The following PCDH9 variants were observed in gnomAD, a reference collection of about 807,000 sequenced individuals.
PCDH9 encodes the protein protocadherin 9.
In PCDH9, 24 loss-of-function variants were observed where a neutral mutation model predicts 70.6. The observed-to-expected ratio is 0.34, with a 90% CI of 0.25 to 0.48. PCDH9 has a LOEUF of 0.48. Among genes scored for constraint, PCDH9 ranks in the 20% least tolerant of loss-of-function variants. The pLI is 0.99. For missense variants in PCDH9, 1,281 were observed against 1,503.6 expected (o/e 0.85, Z 2.45); for synonymous variants, 562 against 558.5 (o/e 1.01, Z -0.09).
intron 3 of PCDH9, among the ~76,000 whole-genome samples, chr13:66,640,589 G>A (rs987533347): frequency 6.6e-6 from 1 of 151,690 alleles, no homozygotes; most frequent in Non-Finnish European, 1.5e-5. Context: ...CTGTCCTCAT[G>A]TATTGCTGAA....
intron 3 of PCDH9, among the ~76,000 whole-genome samples, chr13:66,823,117 G>C (rs1356102213): frequency 6.6e-6 from 1 of 151,812 alleles, no homozygotes; most frequent in Non-Finnish European, 1.5e-5. Context: ...TAGAAATGTA[G>C]TCTATCTCAT....
chr13:66,891,647 G>A (rs186417270), intron 3 of PCDH9, among the ~76,000 whole-genome samples: 7 of 152,144 alleles, frequency 4.6e-5, no homozygotes, highest in African/African-American at 1.7e-4. Flanking sequence ...TACAGCAATA[G>A]AATAGTATTA....
intron 3 of PCDH9, among the ~76,000 whole-genome samples, chr13:66,788,648 ATTT>A (rs58386697): frequency 1.7e-3 from 141 of 81,854 alleles, no homozygotes; most frequent in Middle Eastern, 8.9e-3. Flanking sequence ...CTAAACAGTA[ATTT>A]TTTTTTTTTT....
chr13:66,832,555 A>C (rs2080946637), intron 3 of PCDH9, among the ~76,000 whole-genome samples: 1 of 152,120 alleles, frequency 6.6e-6, no homozygotes, highest in African/African-American at 2.4e-5. Flanking sequence ...ACAGATATGC[A>C]TGAATAAGTA....
At chr13:66,916,734 T>G (rs1444573908) in intron 2 of PCDH9, among the ~76,000 whole-genome samples, 1 of 151,568 alleles carries the variant, frequency 6.6e-6, no homozygotes, top group African/African-American at 2.4e-5. Flanking sequence ...CTGATGCCAT[T>G]GTACATATCT....
chr13:67,003,052 G>A (rs1023380706), intron 2 of PCDH9, among the ~76,000 whole-genome samples: 1 of 151,558 alleles, frequency 6.6e-6, no homozygotes. Flanking sequence ...GCCACTAATC[G>A]GTTTATGAAA....
intron 2 of PCDH9, among the ~76,000 whole-genome samples, chr13:66,991,875 T>C (rs79258579): frequency 0.025 from 3,843 of 152,232 alleles, 159 homozygotes; most frequent in African/African-American, 0.087. Context: ...TCATAGTGCA[T>C]ATTCATGATA....
intron 3 of PCDH9, among the ~76,000 whole-genome samples, chr13:66,644,398 T>C (rs1263179789): frequency 1.3e-5 from 2 of 151,920 alleles, no homozygotes; most frequent in African/African-American, 4.8e-5. Flanking sequence ...TCTTTGTACT[T>C]TGGGCACAAT....
chr13:66,773,095 G>C (rs1056839430), intron 3 of PCDH9, among the ~76,000 whole-genome samples: 2 of 152,178 alleles, frequency 1.3e-5, no homozygotes, highest in Non-Finnish European at 2.9e-5. Flanking sequence ...CTACGTGACC[G>C]ATCCTAAGTC....
intron 2 of PCDH9, among the ~76,000 whole-genome samples, chr13:67,168,505 T>C (rs879462634): frequency 2.6e-5 from 4 of 152,128 alleles, no homozygotes; most frequent in Admixed American, 2.0e-4. Flanking sequence ...AGGTGCAGAA[T>C]TGCTTGAGCC....
At chr13:66,933,806 A>G (rs1403583160) in intron 2 of PCDH9, among the ~76,000 whole-genome samples, 1 of 151,850 alleles carries the variant, frequency 6.6e-6, no homozygotes, top group Admixed American at 6.6e-5. Context: ...AATATGCCTC[A>G]GCTCTAATTA....
chr13:66,804,628 G>A (rs900311926), intron 3 of PCDH9, among the ~76,000 whole-genome samples: 1 of 152,056 alleles, frequency 6.6e-6, no homozygotes, highest in East Asian at 1.9e-4. Flanking sequence ...GGAATTTGTT[G>A]TTAACTAATT....
intron 3 of PCDH9, among the ~76,000 whole-genome samples, chr13:66,733,677 CT>C (rs11366736): frequency 0.28 from 41,814 of 147,130 alleles, 6,273 homozygotes; most frequent in East Asian, 0.44. Flanking sequence ...TAAAGGTAGG[CT>C]TTTTTTTTTT....
At chr13:66,759,030 A>G (rs544226115) in intron 3 of PCDH9, among the ~76,000 whole-genome samples, 1 of 151,872 alleles carries the variant, frequency 6.6e-6, no homozygotes, top group South Asian at 2.1e-4. Flanking sequence ...TAGTGTAGTT[A>G]AAGATTTGTC....
chr13:67,087,738 AC>A (rs1469309655), intron 2 of PCDH9, among the ~76,000 whole-genome samples: 2 of 152,072 alleles, frequency 1.3e-5, no homozygotes, highest in African/African-American at 2.4e-5. Context: ...AGCATTATAG[AC>A]ATTTTCATCA....
chr13:66,822,124 CA>C (rs1305974335), intron 3 of PCDH9, among the ~76,000 whole-genome samples: 1 of 103,906 alleles, frequency 9.6e-6, no homozygotes, highest in Admixed American at 1.3e-4. Context: ...AAGGTTGACC[CA>C]TCACACACGC....
At chr13:66,642,085 G>A (rs190294510) in intron 3 of PCDH9, among the ~76,000 whole-genome samples, 1 of 152,152 alleles carries the variant, frequency 6.6e-6, no homozygotes, top group Admixed American at 6.5e-5. Flanking sequence ...ATACATTTGT[G>A]AGCATATGTA....
intron 3 of PCDH9, among the ~76,000 whole-genome samples, chr13:66,823,759 T>C (rs984417113): frequency 6.6e-6 from 1 of 152,128 alleles, no homozygotes; most frequent in African/African-American, 2.4e-5. Flanking sequence ...TAATTCAATA[T>C]AGAACTCATA....
At chr13:67,150,706 A>G (rs932461283) in intron 2 of PCDH9, among the ~76,000 whole-genome samples, 26 of 152,152 alleles carry the variant, frequency 1.7e-4, no homozygotes, top group Admixed American at 9.2e-4. Context: ...ACTAACATAA[A>G]CTTGTTTTAA....
Sources: gnomAD v4.1 joint callset for allele counts (sites outside exome capture counted in the v4.1 genomes callset) on GRCh38, gnomAD v4.1.1 for gene constraint, MANE v1.5 for transcripts, NCBI Gene and HGNC (gene_info 2026-07-23, HGNC 2026-07-21) for gene names.